Variants in ZNF875 observed in about 807,000 individuals in gnomAD.
ZNF875 encodes HKR1, GLI-Kruppel zinc finger family member.
A neutral mutation model predicts 11.2 loss-of-function variants in ZNF875; 14 were observed. The ratio of observed to expected loss-of-function variants is 1.26; its 90% confidence interval spans 0.83 to 1.96. The LOEUF is 1.96. ZNF875 is among the 30% of genes most tolerant of loss of function. The pLI, the probability that ZNF875 is intolerant of heterozygous loss-of-function variation, is 0.00. For missense variants in ZNF875, 752 were observed against 760.4 expected, an observed-to-expected ratio of 0.99 and a Z score of 0.13; for synonymous variants, 301 against 281.1, an observed-to-expected ratio of 1.07 and a Z score of -0.71.
Position 37,363,951 on chromosome 19 carries a change from C to T in ZNF875, c.*176C>T, listed in dbSNP as rs2040413479. The stretch of plus-strand genomic sequence containing the variant: ...TACTGGTAAGACTTGTATCTCCATC[C>T]ACCTGAAGGAGAATTGCTGGCTCAT... On this transcript the variant is annotated 3_prime_UTR_variant, in exon 5 of 5. Coordinates refer to ENST00000392153, the MANE Select transcript of ZNF875 (RefSeq NM_001353803.2). 2 of 592,542 alleles carry T rather than the reference C, an allele frequency of 3.4e-6. No homozygotes were observed. Among genetic ancestry groups the T allele is most frequent in the East Asian group, 5.8e-5 (2 of 34,446 alleles). The allele number at this position is 592,542 out of a possible 1,614,324, so 36.7% of individuals were successfully genotyped here.
Position 37,363,317 on chromosome 19 carries a change from C to CT in ZNF875, c.1465_1466insT (p.Arg489LeufsTer22). On this transcript the variant is annotated frameshift_variant, in exon 5 of 5. Transcript: ENST00000392153. LOFTEE classifies it low-confidence loss of function (END_TRUNC). The stretch of plus-strand genomic sequence containing the variant: ...TACGGAGTGTGGGCGAGGCTTTACC[C>CT]GGAAATCAACCCTGAGCACGCACCA... 6.2e-7 allele frequency: 1 copy of CT among 1,609,788 alleles called. No individual in the cohort carries two copies. The highest frequency in any genetic ancestry group is 8.5e-7 in the Non-Finnish European group (1 of 1,177,428).
intron 4 of ZNF875, chr19:37,358,510 G>A (rs1217972852): frequency 7.1e-6 from 1 of 141,644 alleles, no homozygotes; most frequent in East Asian, 2.1e-4. Context: ...CAATTCCTCA[G>A]TTCTCACTTT....
intron 2 of ZNF875, among the ~76,000 whole-genome samples, chr19:37,342,946 C>T (rs1300512722): frequency 5.3e-5 from 8 of 152,260 alleles, no homozygotes; most frequent in Non-Finnish European, 1.2e-4. Context: ...CTTTCCAAGC[C>T]TCTGCCCATG....
Position 37,363,044 on chromosome 19 carries a change from G to T in ZNF875, c.1192G>T (p.Glu398Ter). The change falls in exon 5 of 5, where the codon GAG becomes TAG. Residue 398 changes from glutamate (E) to a stop codon, truncating the protein, a stop_gained. Coordinates refer to ENST00000392153, the MANE Select transcript of ZNF875 (RefSeq NM_001353803.2). LOFTEE classifies it low-confidence loss of function (END_TRUNC). ...AGGAGAGAAGCCTTACATTTGCAGGGAGTGTGAGCAAGGCTTTAGCCAGAA... is the reference window on the plus strand; with the variant it reads ...AGGAGAGAAGCCTTACATTTGCAGGTAGTGTGAGCAAGGCTTTAGCCAGAA... ...HSGEKPYICR[E>*]CEQGFSQKSH... 1 of 1,614,144 alleles carries T rather than the reference G, an allele frequency of 6.2e-7. No individual in the cohort carries two copies. Among genetic ancestry groups the T allele is most frequent in the Non-Finnish European group, 8.5e-7 (1 of 1,180,026 alleles).
intron 2 of ZNF875, chr19:37,344,823 C>G: frequency 8.6e-7 from 1 of 1,160,848 alleles, no homozygotes; most frequent in Admixed American, 1.7e-5. Flanking sequence ...TGATGTAGCT[C>G]CTTCGTGGGA....
At chr19:37,347,711 CTG>C in intron 3 of ZNF875, 64 bp from the exon 4 acceptor site, 1 of 1,000,406 alleles carries the variant, frequency 1.0e-6, no homozygotes, top group Non-Finnish European at 1.6e-6. Flanking sequence ...CATTTCAGCT[CTG>C]AGTTCTAGAA....
At chr19:37,342,117 GC>G (rs1167446534) in intron 2 of ZNF875, among the ~76,000 whole-genome samples, 1 of 152,176 alleles carries the variant, frequency 6.6e-6, no homozygotes, top group Non-Finnish European at 1.5e-5. Context: ...AATCTCAGAA[GC>G]CTTTTTGTCC....
At chr19:37,353,578 T>C (rs1292444709) in intron 4 of ZNF875, among the ~76,000 whole-genome samples, 3 of 152,210 alleles carry the variant, frequency 2.0e-5, no homozygotes, top group Non-Finnish European at 2.9e-5. Flanking sequence ...CCTGAAAGAC[T>C]TCCTTTAACA....
intron 4 of ZNF875, among the ~76,000 whole-genome samples, chr19:37,329,607 A>C (rs541766491): frequency 2.0e-5 from 3 of 152,322 alleles, no homozygotes; most frequent in East Asian, 3.9e-4. Flanking sequence ...TTTATTGTCC[A>C]TCATTACGTA....
chr19:37,319,288 C>T (rs539192341), intron 1 of ZNF875, among the ~76,000 whole-genome samples: 27 of 146,396 alleles, frequency 1.8e-4, no homozygotes, highest in African/African-American at 5.7e-4. Context: ...TTGGGTGATC[C>T]GCCCGCCTGG....
chr19:37,344,646 G>T, intron 2 of ZNF875: 2 of 1,591,834 alleles, frequency 1.3e-6, no homozygotes, highest in Non-Finnish European at 1.7e-6. Flanking sequence ...CAAGCTTCTA[G>T]CTGTGTTTCT....
rs1269947934 is a variant in ZNF875, at chr19:37,363,872, C to T, written c.*97C>T. 3 of 981,854 alleles carry T rather than the reference C, an allele frequency of 3.1e-6. No homozygotes were observed. The highest frequency in any genetic ancestry group is 5.0e-5 in the East Asian group (2 of 39,626). 60.8% of individuals were successfully genotyped at this position (981,854 alleles called of 1,614,324 possible). A position where few individuals can be genotyped will look rare whatever the true frequency, so the allele number is the denominator to read the frequency against. On this transcript the variant is annotated 3_prime_UTR_variant, in exon 5 of 5. Coordinates refer to ENST00000392153, the MANE Select transcript of ZNF875 (RefSeq NM_001353803.2). The stretch of plus-strand genomic sequence containing the variant: ...ACACACAGTGCTGTGGCTTTTTCAG[C>T]CATTGCTAGATACCAAAGTGGAGAC...
At chr19:37,325,161 G>T (rs2032206046) in intron 4 of ZNF875, 1 of 152,186 alleles carries the variant, frequency 6.6e-6, no homozygotes, top group Non-Finnish European at 1.5e-5. Flanking sequence ...AAGCTGAATA[G>T]TTCTGTATGT....
chr19:37,325,735 TCTCA>T (rs1263987662), intron 4 of ZNF875, among the ~76,000 whole-genome samples: 2 of 151,690 alleles, frequency 1.3e-5, no homozygotes, highest in Admixed American at 1.3e-4. Context: ...AAAGGCTGGG[TCTCA>T]CTCTGTCAGC....
chr19:37,362,710 A>G lies in ZNF875; in HGVS notation c.858A>G (p.Glu286=). The change falls in exon 5 of 5, where the codon GAA becomes GAG. Residue 286 remains glutamate, a synonymous_variant. Coordinates refer to ENST00000392153, the MANE Select transcript of ZNF875 (RefSeq NM_001353803.2). The part of the protein sequence containing the change: ...HSGGKPYVCR[E]CGRGFTWKSN... ...GGGGAAAGCCTTATGTGTGCAGGGA[A>G]TGTGGGCGAGGCTTTACGTGGAAGT... 1 of 1,613,414 alleles carries G rather than the reference A, an allele frequency of 6.2e-7. No homozygotes were observed. Among genetic ancestry groups the G allele is most frequent in the Non-Finnish European group, 8.5e-7 (1 of 1,179,620 alleles).
chr19:37,315,913 G>T (rs551505499), upstream of ZNF875, among the ~76,000 whole-genome samples: 1 of 152,136 alleles, frequency 6.6e-6, no homozygotes, highest in Admixed American at 6.5e-5. Flanking sequence ...AGGTGAATGT[G>T]TAAGAATGCT....
intron 4 of ZNF875, among the ~76,000 whole-genome samples, chr19:37,329,617 A>G (rs1442999008): frequency 6.6e-6 from 1 of 152,166 alleles, no homozygotes; most frequent in African/African-American, 2.4e-5. Flanking sequence ...ATCATTACGT[A>G]TCTGTGGTGT....
At chr19:37,330,116 T>G (rs2033148587), upstream of ZNF875, among the ~76,000 whole-genome samples, 1 of 152,196 alleles carries the variant, frequency 6.6e-6, no homozygotes, top group Non-Finnish European at 1.5e-5. Flanking sequence ...ATAAAGAATA[T>G]TTTTTCAATT....
At chr19:37,316,663 C>G (rs1168380926), upstream of ZNF875, among the ~76,000 whole-genome samples, 1 of 145,024 alleles carries the variant, frequency 6.9e-6, no homozygotes, top group African/African-American at 2.6e-5. Flanking sequence ...AGCCACTGCG[C>G]CCGGCCTATT....
Sources: allele counts gnomAD v4.1 joint callset (sites outside exome capture counted in the v4.1 genomes callset), GRCh38; gene constraint gnomAD v4.1.1; transcripts MANE v1.5; gene names NCBI Gene and HGNC (gene_info 2026-07-23, HGNC 2026-07-21).